The following RBFOX3 variants were observed in gnomAD, a reference collection of about 807,000 sequenced individuals.
RBFOX3 encodes the protein RNA binding protein fox-1 homolog 3.
Under a neutral mutation model 48.7 loss-of-function variants are expected in RBFOX3, and 17 were observed. The observed-to-expected ratio is 0.35, with a 90% CI of 0.24 to 0.52. The LOEUF is 0.52. RBFOX3 is among the 20% of genes least tolerant of loss of function. RBFOX3 has a pLI of 0.94. For missense variants in RBFOX3, 382 were observed against 497.5 expected, an observed-to-expected ratio of 0.77 and a Z score of 2.21; for synonymous variants, 212 against 209.5, an observed-to-expected ratio of 1.01 and a Z score of -0.10.
chr17:79,098,037 G>T, intron 9 of RBFOX3: 1 of 423,642 alleles, frequency 2.4e-6, no homozygotes, highest in South Asian at 3.4e-5. Flanking sequence ...ATCCCCCGAA[G>T]CCTGGGGTAC....
At chr17:79,646,692 C>A in the RBFOX3 span, among the ~76,000 whole-genome samples, 1 of 152,132 alleles carries the variant, frequency 6.6e-6, no homozygotes, top group African/African-American at 2.4e-5. Flanking sequence ...GGGGCACAGC[C>A]AAACCATATC....
intron 1 of RBFOX3, among the ~76,000 whole-genome samples, chr17:79,530,026 G>A (rs909879839): frequency 6.6e-6 from 1 of 152,204 alleles, no homozygotes; most frequent in Admixed American, 6.5e-5. Flanking sequence ...GAAGAAGTTC[G>A]CCGACCCCTG....
At chr17:79,218,439 C>G (rs768908500) in intron 4 of RBFOX3, among the ~76,000 whole-genome samples, 1 of 152,132 alleles carries the variant, frequency 6.6e-6, no homozygotes, top group East Asian at 1.9e-4. Context: ...CCGTCCCATC[C>G]CAAAATAGCC....
At chr17:79,286,763 A>G (rs758691261) in intron 3 of RBFOX3, among the ~76,000 whole-genome samples, 1 of 152,210 alleles carries the variant, frequency 6.6e-6, no homozygotes, top group Non-Finnish European at 1.5e-5. Context: ...GTGCGTTAAC[A>G]TAGAAGCTGG....
chr17:79,556,171 A>G (rs968689638), intron 1 of RBFOX3, among the ~76,000 whole-genome samples: 1 of 152,224 alleles, frequency 6.6e-6, no homozygotes, highest in East Asian at 1.9e-4. Context: ...ACCTGCTACC[A>G]GCCAGGCCTA....
intron 2 of RBFOX3, among the ~76,000 whole-genome samples, chr17:79,350,332 G>C (rs1461126768): frequency 6.6e-6 from 1 of 152,212 alleles, no homozygotes; most frequent in Non-Finnish European, 1.5e-5. Context: ...TCCCTGGTCA[G>C]TGTAACTGAT....
intron 1 of RBFOX3, among the ~76,000 whole-genome samples, chr17:79,550,024 C>G (rs992745626): frequency 6.6e-6 from 1 of 152,206 alleles, no homozygotes; most frequent in Non-Finnish European, 1.5e-5. Context: ...AGAGCTCTCA[C>G]GCATCCCTGA....
intron 1 of RBFOX3, among the ~76,000 whole-genome samples, chr17:79,501,524 T>C (rs977831850): frequency 3.3e-5 from 5 of 152,248 alleles, no homozygotes; most frequent in Admixed American, 3.3e-4. Flanking sequence ...CTTGTCATTA[T>C]GACAGCCACA....
intron 3 of RBFOX3, among the ~76,000 whole-genome samples, chr17:79,303,174 C>T (rs943579259): frequency 1.3e-5 from 2 of 152,212 alleles, no homozygotes; most frequent in African/African-American, 4.8e-5. Flanking sequence ...CACCACCGTA[C>T]TCCAGCCTGT....
chr17:79,266,640 G>C (rs2066756950), intron 3 of RBFOX3, among the ~76,000 whole-genome samples: 1 of 152,106 alleles, frequency 6.6e-6, no homozygotes, highest in African/African-American at 2.4e-5. Context: ...TTCAGAATGG[G>C]AGCTGGCCCC....
At chr17:79,438,327 C>T (rs2070036952) in intron 2 of RBFOX3, among the ~76,000 whole-genome samples, 1 of 152,206 alleles carries the variant, frequency 6.6e-6, no homozygotes, top group Non-Finnish European at 1.5e-5. Context: ...CCAACCAGCT[C>T]CTCCATGATA....
intron 2 of RBFOX3, among the ~76,000 whole-genome samples, chr17:79,387,928 G>T (rs1054929122): frequency 1.3e-5 from 2 of 152,102 alleles, no homozygotes; most frequent in South Asian, 2.1e-4. Flanking sequence ...GCATACATGC[G>T]TGTGCATGTG....
rs1477888748 is a variant in RBFOX3 at position 79,111,360 on chromosome 17, C to T, written c.222+4134G>A. On this transcript the variant is annotated intron_variant, in intron 5 of 14. Transcript: ENST00000693108. The surrounding 1 kb of genome is among the most constrained non-coding windows in gnomAD (Gnocchi z 4.2). The stretch of plus-strand genomic sequence containing the variant: ...CGTGGGCTCTGGAAAACACCAGTCT[C>T]ATCCCGTCTCCCTCTACCTGGCTGG... 6.6e-6 allele frequency among the ~76,000 whole-genome samples: 1 copy of T among 152,188 alleles called. No homozygotes were observed. The highest frequency in any genetic ancestry group is 1.5e-5 in the Non-Finnish European group (1 of 68,030).
At chr17:79,606,116 G>T (rs2093824732) in intron 1 of RBFOX3, among the ~76,000 whole-genome samples, 1 of 152,174 alleles carries the variant, frequency 6.6e-6, no homozygotes, top group South Asian at 2.1e-4. Flanking sequence ...GGAGGGGCAA[G>T]GAGACCACCT....
intron 1 of RBFOX3, among the ~76,000 whole-genome samples, chr17:79,500,383 G>A (rs2082231401): frequency 6.7e-6 from 1 of 149,540 alleles, no homozygotes; most frequent in African/African-American, 2.5e-5. Flanking sequence ...TCAGCCTCCT[G>A]AGTAGCTGGG....
At chr17:79,531,341 C>T (rs903294361) in intron 1 of RBFOX3, among the ~76,000 whole-genome samples, 3 of 152,194 alleles carry the variant, frequency 2.0e-5, no homozygotes, top group African/African-American at 4.8e-5. Context: ...AGGCTGCCTG[C>T]GTGTGCGGAG....
At chr17:79,331,835 T>C (rs2080351772) in intron 2 of RBFOX3, among the ~76,000 whole-genome samples, 1 of 152,202 alleles carries the variant, frequency 6.6e-6, no homozygotes, top group African/African-American at 2.4e-5. Context: ...ATCCCAGTTT[T>C]CTTCGACTAT....
chr17:79,097,632 G>A (rs963798419), intron 10 of RBFOX3, 60 bp downstream of exon 10: 4 of 475,512 alleles, frequency 8.4e-6, no homozygotes, highest in Non-Finnish European at 1.2e-5. Flanking sequence ...CAGAGCCCCC[G>A]GAGCCCCACG....
chr17:79,569,678 G>A (rs1408895374), intron 1 of RBFOX3, among the ~76,000 whole-genome samples: 3 of 152,174 alleles, frequency 2.0e-5, no homozygotes, highest in African/African-American at 4.8e-5. Context: ...GTTACTTAGC[G>A]GGGCCTGCTG....
Sources: gnomAD v4.1 joint callset for allele counts (sites outside exome capture counted in the v4.1 genomes callset) on GRCh38, gnomAD v4.1.1 for gene constraint, Gnocchi (gnomAD v3.1) non-coding constraint, MANE v1.5 for transcripts, NCBI Gene and HGNC (gene_info 2026-07-23, HGNC 2026-07-21) for gene names.